MYRIP: variants seen among roughly 807,000 people sequenced by gnomAD.
The protein encoded by MYRIP is rab effector MyRIP.
Under a neutral mutation model 98.0 loss-of-function variants are expected in MYRIP, and 49 were observed. The observed-to-expected ratio is 0.50, with a 90% CI of 0.40 to 0.63. MYRIP has a LOEUF of 0.63. Among genes scored for constraint, MYRIP ranks in the 30% least tolerant of loss-of-function variants. The pLI is 0.00. For missense variants in MYRIP, 1,004 were observed against 1,058.2 expected (o/e 0.95, Z 0.71); for synonymous variants, 404 against 409.5 (o/e 0.99, Z 0.16).
Position 40,167,251 on chromosome 3 carries a change from C to G in MYRIP, c.729+12C>G, listed in dbSNP as rs1394189123. The G allele has an allele frequency of 1.2e-6, 2 of 1,613,550 alleles. No individual in the cohort carries two copies. The highest frequency in any genetic ancestry group is 2.2e-5 in the East Asian group (1 of 44,872). On this transcript the variant is annotated intron_variant, in intron 7 of 16. Coordinates refer to ENST00000302541, the MANE Select transcript of MYRIP (RefSeq NM_015460.4). ...CAATCCTGCAGAAGGTAGGTGGGTC[C>G]TGGCAGTGGGATGGCTGCAGTTTCC...
chr3:39,877,345 C>T (rs1177044590), intron 1 of MYRIP, among the ~76,000 whole-genome samples: 2 of 152,138 alleles, frequency 1.3e-5, no homozygotes, highest in Non-Finnish European at 2.9e-5. Flanking sequence ...CTCAGCTCGT[C>T]AAAGTCATTC....
intron 1 of MYRIP, among the ~76,000 whole-genome samples, chr3:39,831,863 A>G (rs1464415022): frequency 6.6e-6 from 1 of 152,222 alleles, no homozygotes; most frequent in Non-Finnish European, 1.5e-5. Context: ...CAGTGCTGGT[A>G]GAACCATCTT....
At chr3:40,084,200 A>G (rs1948549977) in intron 3 of MYRIP, among the ~76,000 whole-genome samples, 1 of 143,954 alleles carries the variant, frequency 6.9e-6, no homozygotes, top group Admixed American at 7.0e-5. Flanking sequence ...AAAGTTTGTC[A>G]TTGGCATAAA....
intron 2 of MYRIP, among the ~76,000 whole-genome samples, chr3:39,987,489 A>T (rs1191896600): frequency 2.6e-5 from 4 of 152,202 alleles, no homozygotes; most frequent in African/African-American, 9.7e-5. Context: ...TCTTTATAAT[A>T]GAATGATTTG....
chr3:39,858,089 CAT>C (rs1942359462), intron 1 of MYRIP, among the ~76,000 whole-genome samples: 1 of 152,010 alleles, frequency 6.6e-6, no homozygotes. Context: ...AATCAAAAGA[CAT>C]AGAGTGAGTG....
intron 11 of MYRIP, among the ~76,000 whole-genome samples, chr3:40,229,736 C>T (rs1014781697): frequency 2.0e-5 from 3 of 152,062 alleles, no homozygotes; most frequent in African/African-American, 7.2e-5. Context: ...GTGAAGCTGA[C>T]CTTGTAGATT....
intron 3 of MYRIP, among the ~76,000 whole-genome samples, chr3:40,130,230 C>T (rs1365167631): frequency 1.3e-5 from 2 of 152,144 alleles, no homozygotes; most frequent in Non-Finnish European, 2.9e-5. Flanking sequence ...GCTTCTAGTT[C>T]AGTCAGTGAC....
At chr3:40,008,563 C>G (rs372086825) in intron 2 of MYRIP, among the ~76,000 whole-genome samples, 1 of 152,156 alleles carries the variant, frequency 6.6e-6, no homozygotes, top group African/African-American at 2.4e-5. Context: ...TGCAGTCACT[C>G]TGTGATTCCA....
At chr3:40,129,473 A>AAAAAAAAAAAAAAC in intron 3 of MYRIP, among the ~76,000 whole-genome samples, 1 of 133,194 alleles carries the variant, frequency 7.5e-6, no homozygotes, top group Non-Finnish European at 1.6e-5. Flanking sequence ...AAAAAAAAAA[A>AAAAAAAAAAAAAAC]AAATCATGCC....
Position 39,916,692 on chromosome 3 carries a change from T to G in MYRIP, c.110+15766T>G, listed in dbSNP as rs568382960. On this transcript the variant is annotated intron_variant, in intron 2 of 16. Transcript: ENST00000302541. ...CCCCACAAACCTTCCTCATTTGTAA[T>G]CTTATTGGGTTTATTCTAAACTCAG... is the stretch of plus-strand genomic sequence containing the variant. 8.5e-5 allele frequency among the ~76,000 whole-genome samples: 13 copies of G among 152,224 alleles called. No individual in the cohort carries two copies. In the East Asian group the frequency reaches 2.3e-3, roughly 27 times the overall value.
intron 2 of MYRIP, among the ~76,000 whole-genome samples, chr3:39,976,845 A>G (rs1229612423): frequency 2.0e-5 from 3 of 152,144 alleles, no homozygotes; most frequent in African/African-American, 7.2e-5. Flanking sequence ...AAATTGAACA[A>G]TGAGAACACA....
intron 3 of MYRIP, among the ~76,000 whole-genome samples, chr3:40,090,325 T>C (rs1163135029): frequency 6.6e-6 from 1 of 152,120 alleles, no homozygotes; most frequent in East Asian, 1.9e-4. Flanking sequence ...TATGATTGTG[T>C]TCAGGCATTC....
chr3:39,915,236 T>C (rs1944125124), intron 2 of MYRIP, among the ~76,000 whole-genome samples: 2 of 152,016 alleles, frequency 1.3e-5, no homozygotes, highest in Non-Finnish European at 2.9e-5. Flanking sequence ...AGTCATCTGG[T>C]TAGTAAAAAA....
chr3:39,997,980 A>T (rs1946411579), intron 2 of MYRIP, among the ~76,000 whole-genome samples: 1 of 152,206 alleles, frequency 6.6e-6, no homozygotes, highest in Non-Finnish European at 1.5e-5. Context: ...AACAAAATTC[A>T]ACAACCTTCA....
chr3:40,252,011 C>T lies in MYRIP; in HGVS notation c.2547+12C>T. 6.4e-7 allele frequency: 1 copy of T among 1,572,438 alleles called. No individual in the cohort carries two copies. The highest frequency in any genetic ancestry group is 8.8e-7 in the Non-Finnish European group (1 of 1,142,264). ...CCAAGGATTTGATGGTAAATGTCAT[C>T]TCTGTCTTAATGTTCAACGCTTTCA... On this transcript the variant is annotated intron_variant, in intron 16 of 16. Transcript: ENST00000302541.
intron 2 of MYRIP, among the ~76,000 whole-genome samples, chr3:39,942,020 T>C (rs967080816): frequency 6.6e-6 from 1 of 152,206 alleles, no homozygotes; most frequent in Non-Finnish European, 1.5e-5. Flanking sequence ...CAAAATGTCA[T>C]GGACAACATC....
chr3:40,167,033 G>A (rs1950515604), intron 6 of MYRIP, 90 bp downstream of exon 6: 2 of 1,365,708 alleles, frequency 1.5e-6, no homozygotes, highest in East Asian at 4.6e-5. Context: ...GGAAATCAAT[G>A]TCCCAGCAGC....
chr3:39,809,615 G>C lies in MYRIP; in HGVS notation c.-332G>C, dbSNP rs961248391. On this transcript the variant is annotated 5_prime_UTR_variant, in exon 1 of 17. Transcript: ENST00000302541. The stretch of plus-strand genomic sequence containing the variant: ...GTCGGCGGTGGCTGCGGCCAGGCTG[G>C]CCCTGGCTGCCTGCGGCGCGGGCGC... The C allele has an allele frequency of 1.1e-4, 16 of 151,650 alleles. No homozygotes were observed. Among genetic ancestry groups the C allele is most frequent in the African/African-American group, 3.1e-4 (13 of 41,498 alleles). The allele number at this position is 151,650 out of a possible 1,614,324, so 9.4% of individuals were successfully genotyped here. A position where few individuals can be genotyped will look rare whatever the true frequency, so the allele number is the denominator to read the frequency against.
At chr3:39,835,524 T>C (rs1487744661) in intron 1 of MYRIP, among the ~76,000 whole-genome samples, 1 of 152,172 alleles carries the variant, frequency 6.6e-6, no homozygotes, top group African/African-American at 2.4e-5. Flanking sequence ...ATATATATAA[T>C]TTTTGATGCT....
Sources: allele counts gnomAD v4.1 joint callset (sites outside exome capture counted in the v4.1 genomes callset), GRCh38; gene constraint gnomAD v4.1.1; transcripts MANE v1.5; gene names NCBI Gene and HGNC (gene_info 2026-07-23, HGNC 2026-07-21).